The following TMC1 variants were observed in gnomAD, a reference collection of about 807,000 sequenced individuals.
TMC1 encodes transmembrane channel-like protein 1.
In TMC1, 84 loss-of-function variants were observed where a neutral mutation model predicts 105.8. That is an observed-to-expected ratio of 0.79 (90% CI 0.67 to 0.95). TMC1 has a LOEUF of 0.95. Ranked by LOEUF, TMC1 falls within the 40% of genes least tolerant of loss-of-function variation. TMC1 has a pLI of 0.00. For missense variants in TMC1, 817 were observed against 914.1 expected, an observed-to-expected ratio of 0.89 and a Z score of 1.37; for synonymous variants, 315 against 311.5, an observed-to-expected ratio of 1.01 and a Z score of -0.12.
chr9:72,552,093 A>C (rs1486330206), intron 1 of TMC1, among the ~76,000 whole-genome samples: 4 of 152,148 alleles, frequency 2.6e-5, no homozygotes, highest in Non-Finnish European at 5.9e-5. Flanking sequence ...CCTTAAACTA[A>C]CACAGTGACC....
At position 72,548,723 on chromosome 9, in the gene TMC1, C is replaced by T. The variant is rs1028455985; in HGVS notation, c.-428+26810C>T. Among the ~76,000 whole-genome samples, 16 of 152,168 alleles carry T rather than the reference C, an allele frequency of 1.1e-4. No individual in the cohort carries two copies. The South Asian group carries it at 2.5e-3, about 24-fold the overall frequency. ...AGACTTGTCGTGCTGCAGTGGCTCA[C>T]GCCTGTAATCCCAGAACTTTGAGAG... On this transcript the variant is annotated intron_variant, in intron 1 of 23. Transcript: ENST00000297784.
intron 2 of TMC1, among the ~76,000 whole-genome samples, chr9:72,611,015 T>G (rs2132119750): frequency 6.6e-6 from 1 of 152,336 alleles, no homozygotes; most frequent in East Asian, 1.9e-4. Flanking sequence ...GTTTCAAGAC[T>G]GGGTAAATGG....
chr9:72,592,769 T>A (rs1824659327), intron 2 of TMC1, among the ~76,000 whole-genome samples: 1 of 152,204 alleles, frequency 6.6e-6, no homozygotes, highest in Non-Finnish European at 1.5e-5. Context: ...CAAAGACAGC[T>A]GTTAAATGTC....
intron 1 of TMC1, among the ~76,000 whole-genome samples, chr9:72,530,986 A>AATT (rs557992471): frequency 0.016 from 2,374 of 150,514 alleles, 36 homozygotes; most frequent in African/African-American, 0.038. Flanking sequence ...ACGCCCAGCT[A>AATT]ATTATTATTA....
At chr9:72,554,454 CAG>C (rs1196399531) in intron 1 of TMC1, among the ~76,000 whole-genome samples, 1 of 152,070 alleles carries the variant, frequency 6.6e-6, no homozygotes, top group Non-Finnish European at 1.5e-5. Context: ...CGTCAAAAGA[CAG>C]AACGCTGGAA....
At chr9:72,705,994 G>A (rs189872690) in intron 8 of TMC1, among the ~76,000 whole-genome samples, 41 of 152,284 alleles carry the variant, frequency 2.7e-4, no homozygotes, top group African/African-American at 9.6e-4. Flanking sequence ...CAAACTGTCA[G>A]CTGGCCATTA....
chr9:72,567,668 G>A (rs1824189430), intron 1 of TMC1, among the ~76,000 whole-genome samples: 1 of 152,238 alleles, frequency 6.6e-6, no homozygotes, highest in East Asian at 1.9e-4. Context: ...CCCATGATCC[G>A]ATTGCCTCTA....
intron 5 of TMC1, among the ~76,000 whole-genome samples, chr9:72,669,400 G>A (rs1019381200): frequency 3.9e-5 from 6 of 152,098 alleles, no homozygotes; most frequent in African/African-American, 1.4e-4. Flanking sequence ...ATCTAGATAT[G>A]ACTGCAAAAA....
chr9:72,623,763 G>A (rs1364304543), intron 3 of TMC1, among the ~76,000 whole-genome samples: 2 of 152,116 alleles, frequency 1.3e-5, no homozygotes, highest in Non-Finnish European at 2.9e-5. Flanking sequence ...TGCCGTAACT[G>A]AGCCTTTACC....
intron 8 of TMC1, among the ~76,000 whole-genome samples, chr9:72,731,605 T>G (rs918963406): frequency 6.6e-6 from 1 of 152,210 alleles, no homozygotes; most frequent in African/African-American, 2.4e-5. Context: ...CTCACAGCAC[T>G]GTATTACACC....
Position 72,837,713 on chromosome 9 carries a change from G to A in TMC1, c.*1740G>A, listed in dbSNP as rs1186918883. ...ACTCAGTGTGCCTTTCCAAAACTAA[G>A]CCAATTTGCTTGCCATTCCCTGCAG... On this transcript the variant is annotated 3_prime_UTR_variant, in exon 24 of 24. Coordinates refer to ENST00000297784, the MANE Select transcript of TMC1 (RefSeq NM_138691.3). 6.6e-6 allele frequency: 1 copy of A among 152,118 alleles called. No homozygotes were observed. Among genetic ancestry groups the A allele is most frequent in the African/African-American group, 2.4e-5 (1 of 41,420 alleles). The allele number at this position is 152,118 out of a possible 1,614,324, so 9.4% of individuals were successfully genotyped here.
chr9:72,607,068 A>C (rs1434068215), intron 2 of TMC1, among the ~76,000 whole-genome samples: 1 of 151,744 alleles, frequency 6.6e-6, no homozygotes, highest in Non-Finnish European at 1.5e-5. Context: ...GAATATGATA[A>C]AAGAATATTA....
chr9:72,662,452 G>A (rs1206203512), intron 5 of TMC1, among the ~76,000 whole-genome samples: 1 of 151,306 alleles, frequency 6.6e-6, no homozygotes, highest in South Asian at 2.1e-4. Flanking sequence ...TGGCCTCGGC[G>A]TCCTAGAGTG....
intron 5 of TMC1, among the ~76,000 whole-genome samples, chr9:72,662,044 G>A (rs1825976068): frequency 6.6e-6 from 1 of 152,146 alleles, no homozygotes; most frequent in African/African-American, 2.4e-5. Context: ...GAAAAACATT[G>A]GAAGGGCTTA....
intron 23 of TMC1, among the ~76,000 whole-genome samples, chr9:72,831,537 A>G (rs2118334700): frequency 6.6e-6 from 1 of 152,236 alleles, no homozygotes; most frequent in African/African-American, 2.4e-5. Context: ...TGCTGCACCC[A>G]TTAACTCATC....
chr9:72,762,656 A>T (rs562515723), intron 12 of TMC1, among the ~76,000 whole-genome samples: 1 of 152,228 alleles, frequency 6.6e-6, no homozygotes, highest in East Asian at 1.9e-4. Context: ...CCACCTAGAG[A>T]TACGTCTCTT....
intron 2 of TMC1, among the ~76,000 whole-genome samples, chr9:72,610,839 G>A (rs1232626066): frequency 6.6e-6 from 1 of 152,222 alleles, no homozygotes. Context: ...CTGAAGCCAA[G>A]AGAGAAAGGC....
intron 2 of TMC1, among the ~76,000 whole-genome samples, chr9:72,605,270 T>G (rs1453535871): frequency 1.3e-5 from 2 of 152,192 alleles, no homozygotes; most frequent in African/African-American, 4.8e-5. Context: ...AAACAACAAT[T>G]TATTATTTCA....
chr9:72,765,493 T>C (rs1157781785), intron 12 of TMC1, among the ~76,000 whole-genome samples: 3 of 151,148 alleles, frequency 2.0e-5, no homozygotes, highest in Admixed American at 1.3e-4. Flanking sequence ...GGGCAGGCAA[T>C]TGGGAAGCGA....
Sources: gnomAD v4.1 joint callset for allele counts (sites outside exome capture counted in the v4.1 genomes callset) on GRCh38, gnomAD v4.1.1 for gene constraint, MANE v1.5 for transcripts, NCBI Gene and HGNC (gene_info 2026-07-23, HGNC 2026-07-21) for gene names.